HIVEP1: variants seen among roughly 807,000 people sequenced by gnomAD.
HIVEP1 encodes zinc finger protein 40.
In HIVEP1, 36 loss-of-function variants were observed where a neutral mutation model predicts 180.0. The ratio of observed to expected loss-of-function variants is 0.20; its 90% CI spans 0.15 to 0.26. The LOEUF (loss-of-function observed/expected upper bound fraction) is 0.26. HIVEP1 is among the 10% of genes least tolerant of loss of function. HIVEP1 has a pLI of 1.00. For synonymous variants in HIVEP1, 1,239 were observed against 1,239.0 expected (o/e 1.00, Z 0.00); for missense variants, 3,143 against 3,268.7 (o/e 0.96, Z 0.94).
At chr6:12,149,935 T>C (rs1012449112) in intron 7 of HIVEP1, among the ~76,000 whole-genome samples, 3 of 152,200 alleles carry the variant, frequency 2.0e-5, no homozygotes, top group African/African-American at 7.2e-5. Flanking sequence ...TGTCTTATCT[T>C]TTAGCAGATG....
At chr6:12,195,862 T>C in the HIVEP1 span, among the ~76,000 whole-genome samples, 1 of 152,240 alleles carries the variant, frequency 6.6e-6, no homozygotes, top group Non-Finnish European at 1.5e-5. Flanking sequence ...TATAAAGAAG[T>C]TTCTAGTAGA....
chr6:12,120,902 C>T lies in HIVEP1; in HGVS notation c.1107C>T (p.Pro369=). 3 of 1,614,122 alleles carry T rather than the reference C, an allele frequency of 1.9e-6. No individual in the cohort carries two copies. The highest frequency in any genetic ancestry group is 2.5e-6 in the Non-Finnish European group (3 of 1,180,030). ...SISPANSTQS[P]PMPIYNSTHV... The stretch of plus-strand genomic sequence containing the variant: ...GTCCGGCTAATTCTACACAGTCGCC[C>T]CCCATGCCAATCTATAATTCAACTC... The change falls in exon 4 of 9, where the codon CCC becomes CCT. Residue 369 remains proline, a synonymous_variant. Coordinates refer to ENST00000379388, the MANE Select transcript of HIVEP1 (RefSeq NM_002114.4).
chr6:12,029,131 G>T (rs1581527273), intron 2 of HIVEP1, among the ~76,000 whole-genome samples: 1 of 152,146 alleles, frequency 6.6e-6, no homozygotes, highest in South Asian at 2.1e-4. Flanking sequence ...TCAGTGTTTG[G>T]CTTGTGTGAA....
Position 12,124,251 on chromosome 6 carries a change from A to G in HIVEP1, c.4456A>G (p.Thr1486Ala), listed in dbSNP as rs200442905. Residue 1486 changes from threonine (T) to alanine (A), a missense_variant, in exon 4 of 9, where the codon ACT (threonine) becomes GCT (alanine). This residue lies in a region of HIVEP1 where 1,357 missense variants were observed against 1,260.5 expected (regional missense o/e 1.08). Coordinates refer to ENST00000379388, the MANE Select transcript of HIVEP1 (RefSeq NM_002114.4). ...EFSANTLHSQ[T>A]QVKDLQAETS... ...TTCTGCAAATACTTTGCACTCTCAGACTCAGGTTAAGGATCTGCAGGCAGA... is the reference window on the plus strand; with the variant it reads ...TTCTGCAAATACTTTGCACTCTCAGGCTCAGGTTAAGGATCTGCAGGCAGA... The G allele has an allele frequency of 1.2e-4, 192 of 1,613,954 alleles. No homozygotes were observed. Among genetic ancestry groups the G allele is most frequent in the Non-Finnish European group, 1.5e-4 (177 of 1,180,024 alleles).
intron 3 of HIVEP1, among the ~76,000 whole-genome samples, chr6:12,091,648 A>G (rs1297706118): frequency 6.6e-6 from 1 of 152,208 alleles, no homozygotes; most frequent in Non-Finnish European, 1.5e-5. Flanking sequence ...CACCAATAGA[A>G]TAAAGAAATG....
chr6:12,179,072 T>C, the HIVEP1 span, among the ~76,000 whole-genome samples: 2 of 152,158 alleles, frequency 1.3e-5, no homozygotes, highest in African/African-American at 4.8e-5. Context: ...TATCTCTATG[T>C]AAAAGCACAG....
chr6:12,200,971 C>G, the HIVEP1 span, among the ~76,000 whole-genome samples: 1 of 152,204 alleles, frequency 6.6e-6, no homozygotes, highest in Non-Finnish European at 1.5e-5. Context: ...GACTGAGAAG[C>G]ATGAACCTAC....
At chr6:12,204,966 A>G in the HIVEP1 span, among the ~76,000 whole-genome samples, 2 of 152,208 alleles carry the variant, frequency 1.3e-5, no homozygotes, top group African/African-American at 4.8e-5. Flanking sequence ...GGGGAAAAGC[A>G]TGATAGCCAG....
chr6:12,145,538 G>A (rs868782719), intron 7 of HIVEP1, among the ~76,000 whole-genome samples: 30 of 146,534 alleles, frequency 2.0e-4, no homozygotes, highest in African/African-American at 4.0e-4. Context: ...AAAAAAGAAC[G>A]CCCTCTACCA....
At chr6:12,165,864 G>T (rs542399655), downstream of HIVEP1, among the ~76,000 whole-genome samples, 131 of 152,274 alleles carry the variant, frequency 8.6e-4, no homozygotes, top group African/African-American at 2.8e-3. Context: ...CCAGCTTCAC[G>T]TCTGTGACTT....
Position 12,121,685 on chromosome 6 carries a change from A to C in HIVEP1, c.1890A>C (p.Pro630=). The C allele has an allele frequency of 6.2e-7, 1 of 1,614,188 alleles. No homozygotes were observed. Among genetic ancestry groups the C allele is most frequent in the Non-Finnish European group, 8.5e-7 (1 of 1,180,026 alleles). The change falls in exon 4 of 9, where the codon CCA becomes CCC. Residue 630 remains proline (P), a synonymous_variant. Coordinates refer to ENST00000379388, the MANE Select transcript of HIVEP1 (RefSeq NM_002114.4). The surrounding 1 kb of genome is among the most constrained non-coding windows in gnomAD (Gnocchi z 5.3). ...CCCACCAGAAAGGCGACATGAATCC[A>C]CTGGAAGGAAAGCAAGACTCTCACG... ...ENSHQKGDMN[P]LEGKQDSHVG... is the part of the protein sequence containing the mutation.
the HIVEP1 span, among the ~76,000 whole-genome samples, chr6:12,210,970 AC>A: frequency 6.6e-6 from 1 of 152,040 alleles, no homozygotes; most frequent in African/African-American, 2.4e-5. Flanking sequence ...TTTATGAGTC[AC>A]ATTTACTTTT....
chr6:12,019,201 C>T (rs892733158), intron 2 of HIVEP1, among the ~76,000 whole-genome samples: 7 of 152,168 alleles, frequency 4.6e-5, no homozygotes, highest in East Asian at 3.9e-4. Context: ...CACTCAGCAG[C>T]GGGGGACGGG....
At chr6:12,048,758 G>A (rs188536475) in intron 2 of HIVEP1, among the ~76,000 whole-genome samples, 2 of 152,290 alleles carry the variant, frequency 1.3e-5, no homozygotes, top group African/African-American at 4.8e-5. Flanking sequence ...ATACAGGCTT[G>A]TTTTGTGACC....
chr6:12,079,952 C>G lies in HIVEP1; in HGVS notation c.41-9232C>G, dbSNP rs144830840. ...TGATGGCATCTATCTATCTATCTAT[C>G]TATCTATCTATCTATCTATCTATCT... On this transcript the variant is annotated intron_variant, in intron 2 of 8. Coordinates refer to ENST00000379388, the MANE Select transcript of HIVEP1 (RefSeq NM_002114.4). Among the ~76,000 whole-genome samples the G allele has an allele frequency of 4.2e-3, 640 of 151,986 alleles. 2 individuals are homozygous for G. Among genetic ancestry groups the G allele is most frequent in the Non-Finnish European group, 6.2e-3 (418 of 67,912 alleles).
chr6:12,207,015 T>A, the HIVEP1 span, among the ~76,000 whole-genome samples: 2 of 152,134 alleles, frequency 1.3e-5, no homozygotes, highest in Non-Finnish European at 2.9e-5. Flanking sequence ...CCAACATTGA[T>A]CAAATACAAC....
intron 2 of HIVEP1, among the ~76,000 whole-genome samples, chr6:12,072,404 G>A (rs949705829): frequency 1.3e-5 from 2 of 151,878 alleles, no homozygotes; most frequent in African/African-American, 4.8e-5. Flanking sequence ...CCCACTTCGT[G>A]CCCCTCCCTT....
chr6:12,027,371 G>A (rs1349089753), intron 2 of HIVEP1, among the ~76,000 whole-genome samples: 1 of 152,190 alleles, frequency 6.6e-6, no homozygotes, highest in African/African-American at 2.4e-5. Flanking sequence ...CTTACTTGTG[G>A]TTTTAAAATG....
At chr6:12,193,950 G>A in the HIVEP1 span, among the ~76,000 whole-genome samples, 1 of 152,256 alleles carries the variant, frequency 6.6e-6, no homozygotes, top group Non-Finnish European at 1.5e-5. Flanking sequence ...ATATTAAAAG[G>A]AAATAATAGG....
Sources: allele counts gnomAD v4.1 joint callset (sites outside exome capture counted in the v4.1 genomes callset), GRCh38; gene constraint gnomAD v4.1.1; regional missense constraint gnomAD v4.1.1; non-coding constraint Gnocchi (gnomAD v3.1); transcripts MANE v1.5; gene names NCBI Gene and HGNC (gene_info 2026-07-23, HGNC 2026-07-21).